Variants in TMC4 observed in about 807,000 individuals in gnomAD.
TMC4 encodes the protein transmembrane channel like 4.
In TMC4, 70 loss-of-function variants were observed where a neutral mutation model predicts 82.0. The ratio of observed to expected loss-of-function variants is 0.85; its 90% confidence interval spans 0.70 to 1.04. The LOEUF is 1.04. Among genes scored for constraint, TMC4 ranks in the 50% least tolerant of loss-of-function variants. The pLI, the probability that TMC4 is intolerant of heterozygous loss-of-function variation, is 0.00. For synonymous variants in TMC4, 446 were observed against 406.0 expected, an observed-to-expected ratio of 1.10 and a Z score of -1.18; for missense variants, 879 against 899.0, an observed-to-expected ratio of 0.98 and a Z score of 0.28.
Position 54,164,522 on chromosome 19 carries a change from C to G in TMC4, c.1025G>C (p.Arg342Pro). 1 of 1,613,928 alleles carries G rather than the reference C, an allele frequency of 6.2e-7. No individual in the cohort carries two copies. The highest frequency in any genetic ancestry group is 1.1e-5 in the South Asian group (1 of 91,080). The change falls in exon 7 of 15, where the codon CGG (arginine) becomes CCG (proline). Residue 342 changes from arginine to proline, a missense_variant. Arg to Pro is a moderately radical substitution (Grantham distance 103). Transcript: ENST00000619895. ...LGQQARVWLVRVLLNLLVVAL... is the reference protein window; with the variant it reads ...LGQQARVWLVPVLLNLLVVAL... ...GACCACCAGCAGGTTGAGCAGCACCCGCACCAACCAAACCCTGGCTTGCTG... is the reference window on the plus strand; with the variant it reads ...GACCACCAGCAGGTTGAGCAGCACCGGCACCAACCAAACCCTGGCTTGCTG...
Position 54,162,525 on chromosome 19 carries a change from G to A in TMC4, c.1502+148C>T, listed in dbSNP as rs565832077. The stretch of plus-strand genomic sequence containing the variant: ...GAAGTAACCCACTAAAACAAGGGCG[G>A]GGAGCGGGGAGATCTGCGGACCTAG... On this transcript the variant is annotated intron_variant, in intron 10 of 14. Transcript: ENST00000619895. The A allele has an allele frequency of 4.0e-6, 3 of 742,970 alleles. No individual in the cohort carries two copies. The South Asian group carries it at 5.0e-5, about 12-fold the overall frequency. 46.0% of individuals were successfully genotyped at this position (742,970 alleles called of 1,614,324 possible). A position where few individuals can be genotyped will look rare whatever the true frequency, so the allele number is the denominator to read the frequency against.
At chr19:54,172,270 GCC>G (rs1159395004) in intron 1 of TMC4, among the ~76,000 whole-genome samples, 187 bp from the exon 2 acceptor site, 1 of 7,130 alleles carries the variant, frequency 1.4e-4, no homozygotes, top group South Asian at 3.3e-3. Flanking sequence ...AGGAGTCCAG[GCC>G]CCCGGCTCCT....
Position 54,168,429 on chromosome 19 carries a change from C to T in TMC4, c.675+19G>A. 6.5e-7 allele frequency: 1 copy of T among 1,530,480 alleles called. No individual in the cohort carries two copies. The allele number at this position is 1,530,480 out of a possible 1,614,324, so 94.8% of individuals were successfully genotyped here. On this transcript the variant is annotated intron_variant, in intron 4 of 14. Coordinates refer to ENST00000619895, the MANE Select transcript of TMC4 (RefSeq NM_144686.4). Reference sequence around the variant, plus strand: ...GGTCACAGGTGGGCGGGGAATCCCCCAGGGACCCAGGCACCTACCTCACCC... The same window carrying T: ...GGTCACAGGTGGGCGGGGAATCCCCTAGGGACCCAGGCACCTACCTCACCC...
rs1466376705 is a variant in TMC4, at chr19:54,172,877, G to T, written c.79+162C>A. On this transcript the variant is annotated intron_variant, in intron 1 of 14. Transcript: ENST00000619895. ...AGGCTCCTCCTCCTCAGACCCTGGAGTTCCAGCCTCCAGTTCCCTTCTCCC... is the reference window on the plus strand; with the variant it reads ...AGGCTCCTCCTCCTCAGACCCTGGATTTCCAGCCTCCAGTTCCCTTCTCCC... The T allele has an allele frequency of 1.1e-5, 7 of 661,736 alleles. No individual in the cohort carries two copies. The Admixed American group carries it at 1.9e-4, about 18-fold the overall frequency. 41.0% of individuals were successfully genotyped at this position (661,736 alleles called of 1,614,324 possible). A position where few individuals can be genotyped will look rare whatever the true frequency, so the allele number is the denominator to read the frequency against.
chr19:54,167,001 G>GT lies in TMC4; in HGVS notation c.797+1169dup. 2.6e-5 allele frequency among the ~76,000 whole-genome samples: 4 copies of GT among 152,066 alleles called. No homozygotes were observed. In the South Asian group the frequency reaches 8.3e-4, roughly 32 times the overall value. On this transcript the variant is annotated intron_variant, in intron 5 of 14. Coordinates refer to ENST00000619895, the MANE Select transcript of TMC4 (RefSeq NM_144686.4). ...TGGCCAGGCACATTGGCTCATGCCT[G>GT]TAATTCCAGCACCTTGGGAGGCTGA...
intron 11 of TMC4, 54 bp downstream of exon 11, chr19:54,162,048 G>T: frequency 6.7e-7 from 1 of 1,493,744 alleles, no homozygotes; most frequent in Non-Finnish European, 9.1e-7. Context: ...TGACCCAGGA[G>T]TGCGGGCCCC....
chr19:54,168,074 A>G, intron 5 of TMC4, 97 bp downstream of exon 5: 1 of 1,374,954 alleles, frequency 7.3e-7, no homozygotes, highest in Non-Finnish European at 9.8e-7. Context: ...AAAAAAAAAA[A>G]GACTGAGGAT....
At chr19:54,168,770 C>CCTTT (rs908852759) in intron 3 of TMC4, 90 bp from the exon 4 acceptor site, 4 of 521,926 alleles carry the variant, frequency 7.7e-6, no homozygotes, top group South Asian at 1.5e-4. Context: ...GCCGCGCCTT[C>CCTTT]CTTTCTTTCT....
Position 54,173,079 on chromosome 19 carries a change from G to A in TMC4, c.39C>T (p.Gly13=). The A allele has an allele frequency of 6.2e-7, 1 of 1,611,906 alleles. No individual in the cohort carries two copies. The highest frequency in any genetic ancestry group is 8.5e-7 in the Non-Finnish European group (1 of 1,179,444). ...GGGGGGCCAGCCACTCCCTAGAGGA[G>A]CCCCAGGCTTCTGATTCCAAGGTCG... is the stretch of plus-strand genomic sequence containing the variant. ...ENPTLESEAW[G]SSREWLAPRE... is the part of the protein sequence containing the mutation. Residue 13 remains glycine (G), a synonymous_variant, in exon 1 of 15, where the codon GGC becomes GGT. Coordinates refer to ENST00000619895, the MANE Select transcript of TMC4 (RefSeq NM_144686.4).
At chr19:54,169,844 C>G (rs2146919657) in intron 2 of TMC4, among the ~76,000 whole-genome samples, 184 bp from the exon 3 acceptor site, 1 of 151,904 alleles carries the variant, frequency 6.6e-6, no homozygotes, top group Middle Eastern at 3.4e-3. Flanking sequence ...AATCCCAGCA[C>G]TTTGGGAGGC....
In TMC4 at chr19:54,168,557, G is replaced by GGAGC; in HGVS notation, c.562_565dup (p.Pro189ArgfsTer18). On this transcript the variant is annotated frameshift_variant, in exon 4 of 15. Coordinates refer to ENST00000619895, the MANE Select transcript of TMC4 (RefSeq NM_144686.4). LOFTEE classifies it high-confidence loss of function. ...GATGTCGGGGCCGGGAGGGCCTGGG[G>GGAGC]GAGCGCCTCCCAACCAGGTGGGCAG... The GGAGC allele has an allele frequency of 2.5e-6, 4 of 1,571,976 alleles. No individual in the cohort carries two copies. Among genetic ancestry groups the GGAGC allele is most frequent in the Non-Finnish European group, 3.4e-6 (4 of 1,159,454 alleles).
At chr19:54,165,159 C>T (rs572603497) in intron 6 of TMC4, among the ~76,000 whole-genome samples, 3 of 151,106 alleles carry the variant, frequency 2.0e-5, no homozygotes, top group East Asian at 1.9e-4. Flanking sequence ...CCACCTGTCT[C>T]GGTCTCCCAA....
chr19:54,162,370 G>C (rs2075580576), intron 10 of TMC4, 85 bp from the exon 11 acceptor site: 8 of 695,454 alleles, frequency 1.2e-5, no homozygotes, highest in South Asian at 2.1e-5. Flanking sequence ...CCGCCAATAG[G>C]AAGCATGCGT....
chr19:54,173,145 C>A lies in TMC4; in HGVS notation c.-28G>T. The A allele has an allele frequency of 6.2e-7, 1 of 1,609,146 alleles. No homozygotes were observed. The highest frequency in any genetic ancestry group is 8.5e-7 in the Non-Finnish European group (1 of 1,176,178). On this transcript the variant is annotated 5_prime_UTR_variant, in exon 1 of 15. Transcript: ENST00000619895. ...CCCCAGGCTGGGCTGTCTCTAGTGG[C>A]CACCAGGCAGACACTGCCCCAGGTA...
intron 3 of TMC4, among the ~76,000 whole-genome samples, chr19:54,169,119 C>G (rs529570440): frequency 6.8e-6 from 1 of 146,146 alleles, no homozygotes; most frequent in African/African-American, 2.6e-5. Context: ...CTGCAACCTC[C>G]GCCTCCTGGG....
At chr19:54,168,149 CA>C (rs1414048531) in intron 5 of TMC4, 21 bp downstream of exon 5, 8 of 1,594,298 alleles carry the variant, frequency 5.0e-6, no homozygotes, top group Non-Finnish European at 6.8e-6. Flanking sequence ...CGTCAGGGGT[CA>C]GGGGTGCAGG....
In TMC4 at chr19:54,162,692, GCAGCGCGA is replaced by G; in HGVS notation, c.1475_1482del (p.Val492AlafsTer6). ...TCTCACTTTCTAGGAAACTGGATGA[GCAGCGCGA>G]CTGCCAAGACAGTCAGCAGATCAAA... is the stretch of plus-strand genomic sequence containing the variant. On this transcript the variant is annotated frameshift_variant, in exon 10 of 15. Transcript: ENST00000619895. LOFTEE classifies it high-confidence loss of function. 3.1e-6 allele frequency: 5 copies of G among 1,613,980 alleles called. No individual in the cohort carries two copies. The highest frequency in any genetic ancestry group is 4.2e-6 in the Non-Finnish European group (5 of 1,179,970).
chr19:54,171,828 C>G (rs758718107), intron 2 of TMC4, 42 bp downstream of exon 2: 10 of 1,516,282 alleles, frequency 6.6e-6, no homozygotes, highest in Middle Eastern at 1.8e-4. Flanking sequence ...GAGAAGGGCC[C>G]GGTCCGGGCT....
intron 8 of TMC4, 65 bp downstream of exon 8, chr19:54,163,659 G>C (rs755238847): frequency 6.4e-7 from 1 of 1,574,200 alleles, no homozygotes; most frequent in Non-Finnish European, 8.7e-7. Context: ...TTACCTGTCA[G>C]CGCCAACATC....
Sources: allele counts gnomAD v4.1 joint callset (sites outside exome capture counted in the v4.1 genomes callset), GRCh38; gene constraint gnomAD v4.1.1; transcripts MANE v1.5; gene names NCBI Gene and HGNC (gene_info 2026-07-23, HGNC 2026-07-21).